PCDH15: variants seen among roughly 807,000 people sequenced by gnomAD.
PCDH15 encodes protocadherin related 15, also known as protocadherin-15.
In PCDH15, 129 loss-of-function variants were observed where a neutral mutation model predicts 178.5. That is an observed-to-expected ratio of 0.72 (90% CI 0.63 to 0.84). The LOEUF is 0.84. Among genes scored for constraint, PCDH15 ranks in the 40% least tolerant of loss-of-function variants. The probability of loss-of-function intolerance (pLI) is 0.00; values close to 1 mark genes in which losing one functional copy is unlikely to be tolerated. For missense variants in PCDH15, 2,230 were observed against 2,099.9 expected, an observed-to-expected ratio of 1.06 and a Z score of -1.21; for synonymous variants, 800 against 732.0, an observed-to-expected ratio of 1.09 and a Z score of -1.50.
chr10:54,220,782 G>A lies in PCDH15; in HGVS notation c.986-6734C>T, dbSNP rs1200893351. Reference sequence around the variant, plus strand: ...GGAGCTTGCAGTGAGCCGAGATCGCGCCACTGCACTCCAGCCTGGGCGACA... The same window carrying A: ...GGAGCTTGCAGTGAGCCGAGATCGCACCACTGCACTCCAGCCTGGGCGACA... On this transcript the variant is annotated intron_variant, in intron 9 of 37. Transcript: ENST00000644397. Among the ~76,000 whole-genome samples the A allele has an allele frequency of 4.0e-5, 6 of 151,442 alleles. No homozygotes were observed. In the South Asian group the frequency reaches 6.2e-4, roughly 16 times the overall value.
intron 26 of PCDH15, among the ~76,000 whole-genome samples, chr10:53,872,712 T>G (rs1334080045): frequency 6.6e-6 from 1 of 152,200 alleles, no homozygotes; most frequent in Admixed American, 6.5e-5. Flanking sequence ...CCTTGCTATA[T>G]GTAATAAGTT....
chr10:55,539,306 A>G (rs960972764), intron 2 of PCDH15, among the ~76,000 whole-genome samples: 2 of 152,164 alleles, frequency 1.3e-5, no homozygotes, highest in African/African-American at 4.8e-5. Context: ...AAATGAAAAT[A>G]ATTATGGTAT....
At chr10:54,172,925 A>G (rs2047061464) in intron 13 of PCDH15, among the ~76,000 whole-genome samples, 1 of 152,204 alleles carries the variant, frequency 6.6e-6, no homozygotes, top group African/African-American at 2.4e-5. Context: ...TGTGTTTACA[A>G]ATGAGTTTTC....
At chr10:53,842,417 TG>T (rs1375539695) in intron 28 of PCDH15, among the ~76,000 whole-genome samples, 3 of 152,092 alleles carry the variant, frequency 2.0e-5, no homozygotes, top group Non-Finnish European at 4.4e-5. Flanking sequence ...GGCTAATTTT[TG>T]TATTTTTTAG....
At chr10:55,613,595 T>A (rs1306625375) in intron 2 of PCDH15, among the ~76,000 whole-genome samples, 1 of 152,210 alleles carries the variant, frequency 6.6e-6, no homozygotes, top group Non-Finnish European at 1.5e-5. Flanking sequence ...TTTGTGATAA[T>A]GGTGACAATG....
At chr10:54,021,180 G>C (rs1033393581) in intron 19 of PCDH15, among the ~76,000 whole-genome samples, 2 of 152,032 alleles carry the variant, frequency 1.3e-5, no homozygotes, top group African/African-American at 4.8e-5. Flanking sequence ...CTGAAAGGAT[G>C]GGTTTTCATG....
intron 1 of PCDH15, among the ~76,000 whole-genome samples, chr10:54,780,765 T>C (rs1950283695): frequency 6.8e-6 from 1 of 147,442 alleles, no homozygotes; most frequent in Admixed American, 6.8e-5. Flanking sequence ...AATTCTAGAA[T>C]ATAAATTATC....
At chr10:54,886,089 T>C (rs150790577) in intron 3 of PCDH15, among the ~76,000 whole-genome samples, 1 of 151,632 alleles carries the variant, frequency 6.6e-6, no homozygotes, top group African/African-American at 2.4e-5. Flanking sequence ...AATAATTCAA[T>C]GACTTACATT....
At chr10:55,577,967 G>C (rs1842528350) in intron 2 of PCDH15, among the ~76,000 whole-genome samples, 1 of 151,988 alleles carries the variant, frequency 6.6e-6, no homozygotes, top group African/African-American at 2.4e-5. Context: ...GAGAGAGAGA[G>C]CAACTGTTAC....
At chr10:55,578,278 C>A (rs565980971) in intron 2 of PCDH15, among the ~76,000 whole-genome samples, 1 of 151,924 alleles carries the variant, frequency 6.6e-6, no homozygotes, top group Non-Finnish European at 1.5e-5. Context: ...AGTGCAGTGG[C>A]GCGAATTCAG....
chr10:53,903,058 AGTT>A (rs1215715576), intron 26 of PCDH15, among the ~76,000 whole-genome samples, 182 bp downstream of exon 26: 2 of 152,144 alleles, frequency 1.3e-5, no homozygotes, highest in African/African-American at 2.4e-5. Context: ...AAACTCAAGA[AGTT>A]GCTTAGTGTT....
chr10:54,956,087 C>T (rs1192676535), intron 2 of PCDH15, among the ~76,000 whole-genome samples: 2 of 151,124 alleles, frequency 1.3e-5, no homozygotes, highest in Non-Finnish European at 3.0e-5. Flanking sequence ...TTATTTTCTT[C>T]CTCAAATTGG....
At chr10:55,170,692 A>C (rs1328190377) in intron 1 of PCDH15, among the ~76,000 whole-genome samples, 3 of 151,784 alleles carry the variant, frequency 2.0e-5, no homozygotes, top group South Asian at 4.2e-4. Context: ...GACTAGCCTG[A>C]CCAACATGGT....
chr10:54,168,874 G>A (rs917569732), intron 13 of PCDH15, among the ~76,000 whole-genome samples: 46 of 151,864 alleles, frequency 3.0e-4, no homozygotes, highest in Non-Finnish European at 3.7e-4. Flanking sequence ...AATTAACCTC[G>A]CCTTCAAGGT....
intron 14 of PCDH15, among the ~76,000 whole-genome samples, chr10:54,133,772 T>G (rs1458842643): frequency 1.3e-5 from 2 of 152,006 alleles, no homozygotes; most frequent in East Asian, 3.9e-4. Context: ...GTTTGTAAGG[T>G]GGAAACATTA....
At chr10:54,512,677 A>T (rs1195535572) in intron 3 of PCDH15, among the ~76,000 whole-genome samples, 4 of 152,134 alleles carry the variant, frequency 2.6e-5, no homozygotes, top group Non-Finnish European at 4.4e-5. Context: ...TTAAATAAAA[A>T]TATTTACTCA....
intron 3 of PCDH15, among the ~76,000 whole-genome samples, chr10:54,519,972 C>T (rs991916783): frequency 1.5e-4 from 23 of 152,184 alleles, no homozygotes; most frequent in Admixed American, 5.9e-4. Context: ...AAAGGATTCC[C>T]TATTTAATAA....
At chr10:54,119,559 C>A (rs1262896067) in intron 15 of PCDH15, among the ~76,000 whole-genome samples, 4 of 151,950 alleles carry the variant, frequency 2.6e-5, no homozygotes, top group Admixed American at 1.3e-4. Flanking sequence ...AAGAAAACAA[C>A]CTGGAAATTA....
intron 3 of PCDH15, among the ~76,000 whole-genome samples, chr10:54,806,609 G>T (rs4935558): frequency 0.75 from 113,604 of 150,716 alleles, 42,940 homozygotes; most frequent in South Asian, 0.87. Flanking sequence ...TCAGCCTCCT[G>T]AGTAGCTGGG....
Sources: gnomAD v4.1 joint callset for allele counts (sites outside exome capture counted in the v4.1 genomes callset) on GRCh38, gnomAD v4.1.1 for gene constraint, MANE v1.5 for transcripts, NCBI Gene and HGNC (gene_info 2026-07-23, HGNC 2026-07-21) for gene names.